The following DMBT1 variants were observed in gnomAD, a reference collection of about 807,000 sequenced individuals.
DMBT1 encodes scavenger receptor cysteine-rich domain-containing protein DMBT1.
Under a neutral mutation model 252.9 loss-of-function variants are expected in DMBT1, and 198 were observed. The observed-to-expected ratio is 0.78, with a 90% CI of 0.70 to 0.88. The LOEUF is 0.88. DMBT1 is among the 40% of genes least tolerant of loss of function. The pLI is 0.00. For missense variants in DMBT1, 2,432 were observed against 2,404.7 expected, an observed-to-expected ratio of 1.01 and a Z score of -0.24; for synonymous variants, 990 against 942.7, an observed-to-expected ratio of 1.05 and a Z score of -0.92.
chr10:122,634,941 C>G (rs1037529110), intron 52 of DMBT1, among the ~76,000 whole-genome samples: 1 of 152,194 alleles, frequency 6.6e-6, no homozygotes, highest in African/African-American at 2.4e-5. Context: ...ATAGTTTTCC[C>G]TGTTGATTTC....
At chr10:122,617,966 T>A (rs1351500740) in intron 40 of DMBT1, 51 bp from the exon 41 acceptor site, 2 of 1,606,454 alleles carry the variant, frequency 1.2e-6, no homozygotes, top group Non-Finnish European at 1.7e-6. Flanking sequence ...TTGCCTTAGA[T>A]TGTTGACCTC....
chr10:122,618,126 G>A lies in DMBT1; in HGVS notation c.5001G>A (p.Trp1667Ter). The A allele has an allele frequency of 6.2e-7, 1 of 1,613,922 alleles. No individual in the cohort carries two copies. Among genetic ancestry groups the A allele is most frequent in the Non-Finnish European group, 8.5e-7 (1 of 1,179,884 alleles). ...GGGGCACCGTGTGTGATGACTACTG[G>A]GACACCAATGATGCCAACGTGGTCT... is the stretch of plus-strand genomic sequence containing the variant. Reference protein sequence around the residue: ...GSWGTVCDDYWDTNDANVVCR... With the variant: ...GSWGTVCDDY Residue 1667 changes from tryptophan to a stop codon, truncating the protein, a stop_gained, in exon 41 of 56, where the codon TGG (tryptophan) becomes TGA (stop). Coordinates refer to ENST00000338354, the MANE Select transcript of DMBT1 (RefSeq NM_001377530.1). LOFTEE classifies it high-confidence loss of function.
In DMBT1 at chr10:122,600,245, C is replaced by T. The variant is rs188310537; in HGVS notation, c.3310+152C>T. On this transcript the variant is annotated intron_variant, in intron 27 of 55. Coordinates refer to ENST00000338354, the MANE Select transcript of DMBT1 (RefSeq NM_001377530.1). ...ACCAGTTGTGTAACTGAGACCCCAG[C>T]ACAGCGCTTTTTAAACACACACAGG... Among the ~76,000 whole-genome samples, 89 of 150,024 alleles carry T rather than the reference C, an allele frequency of 5.9e-4. 3 individuals are homozygous for T. The highest frequency in any genetic ancestry group is 9.9e-4 in the Non-Finnish European group (67 of 67,858).
At chr10:122,637,889 C>T (rs1332165968) in intron 54 of DMBT1, among the ~76,000 whole-genome samples, 1 of 152,162 alleles carries the variant, frequency 6.6e-6, no homozygotes, top group Non-Finnish European at 1.5e-5. Context: ...AGATGGCCCC[C>T]TGCATCCAAT....
chr10:122,631,188 T>G lies in DMBT1; in HGVS notation c.6253T>G (p.Ser2085Ala), dbSNP rs2098162212. The change falls in exon 49 of 56, where the codon TCA becomes GCA. Residue 2085 changes from serine to alanine, a missense_variant. By Grantham distance (99) the Ser-to-Ala change is moderately conservative (BLOSUM62 1). This residue lies in a region of DMBT1 where 1,162 missense variants were observed against 1,169.0 expected (regional missense o/e 0.99). Transcript: ENST00000338354. ...GPITLDDVECSGTESTLWQCR... is the reference protein window; with the variant it reads ...GPITLDDVECAGTESTLWQCR... ...CATCACCCTGGACGATGTAGAGTGC[T>G]CAGGGACGGAATCCACTCTCTGGCA... is the stretch of plus-strand genomic sequence containing the variant. 7.4e-6 allele frequency: 12 copies of G among 1,614,016 alleles called. No individual in the cohort carries two copies. Among genetic ancestry groups the G allele is most frequent in the Non-Finnish European group, 1.0e-5 (12 of 1,179,888 alleles).
At chr10:122,632,762 G>A in intron 50 of DMBT1, 99 bp from the exon 51 acceptor site, 1 of 1,504,102 alleles carries the variant, frequency 6.6e-7, no homozygotes, top group Non-Finnish European at 9.1e-7. Context: ...CCTCCCTGTG[G>A]ACTCAGGCTT....
At position 122,587,436 on chromosome 10, in the gene DMBT1, C is replaced by G. The variant is rs771066398; in HGVS notation, c.1783+1053C>G. ...GCACTGCAGTGTCTTGCCTGTGCACCGGTCAGGTGTGGGGCAGGCAGTGCC... is the reference window on the plus strand; with the variant it reads ...GCACTGCAGTGTCTTGCCTGTGCACGGGTCAGGTGTGGGGCAGGCAGTGCC... On this transcript the variant is annotated intron_variant, in intron 16 of 55. Coordinates refer to ENST00000338354, the MANE Select transcript of DMBT1 (RefSeq NM_001377530.1). 3.0e-4 allele frequency among the ~76,000 whole-genome samples: 45 copies of G among 148,848 alleles called. 2 individuals carry two copies. The highest frequency in any genetic ancestry group is 2.7e-4 in the Non-Finnish European group (18 of 66,852).
In DMBT1 at chr10:122,589,169, G is replaced by T. The variant is rs28493439; in HGVS notation, c.2009G>T (p.Arg670Leu). The T allele has an allele frequency of 7.8e-4, 1,237 of 1,588,408 alleles. 201 individuals carry two copies. The East Asian group carries it at 0.023, about 29-fold the overall frequency. The change falls in exon 17 of 56, where the codon CGC becomes CTC. Residue 670 changes from arginine to leucine, a missense_variant. Transcript: ENST00000338354. ...GGACCCATTGTCCTGGATGATGTGC[G>T]CTGCTCAGGACATGAGTCCTACCTG... ...GSGPIVLDDV[R>L]CSGHESYLWS...
rs111292675 is a variant in DMBT1 at position 122,567,934 on chromosome 10, G to A, written c.91+1938G>A. 8.2e-3 allele frequency among the ~76,000 whole-genome samples: 1,252 copies of A among 152,274 alleles called. 14 individuals are homozygous for A. Among genetic ancestry groups the A allele is most frequent in the African/African-American group, 0.029 (1,200 of 41,552 alleles). On this transcript the variant is annotated intron_variant, in intron 2 of 55. Transcript: ENST00000338354. Reference sequence around the variant, plus strand: ...TAAAGATAAAACTTGAAAACCACCTGGAGACCAGTGAATCCTCTTAGTATA... The same window carrying A: ...TAAAGATAAAACTTGAAAACCACCTAGAGACCAGTGAATCCTCTTAGTATA...
At position 122,586,027 on chromosome 10, in the gene DMBT1, G is replaced by T. The variant is rs770071936; in HGVS notation, c.1460-33G>T. 1.2e-5 allele frequency: 19 copies of T among 1,587,268 alleles called. 1 individual carries two copies. Among genetic ancestry groups the T allele is most frequent in the African/African-American group, 2.7e-5 (2 of 74,532 alleles). ...CCTTAGATTCTTGACCTCATGATAG[G>T]GATGGATGAAGGGTTCTTGTTTTCC... On this transcript the variant is annotated intron_variant, in intron 15 of 55. Transcript: ENST00000338354.
intron 46 of DMBT1, 55 bp from the exon 47 acceptor site, chr10:122,629,785 T>A: frequency 6.3e-7 from 1 of 1,582,664 alleles, no homozygotes; most frequent in Non-Finnish European, 8.6e-7. Context: ...TGATTCCTTG[T>A]CACAAAATAC....
At position 122,621,091 on chromosome 10, in the gene DMBT1, T is replaced by C; in HGVS notation, c.5319T>C (p.Asn1773=). The change falls in exon 44 of 56, where the codon AAT becomes AAC. Residue 1773 remains asparagine (N), a synonymous_variant. Transcript: ENST00000338354. ...SESSLALRLV[N]GGDRCRGRVE... ...CCAGTTTGGCTCTGAGGCTGGTGAA[T>C]GGAGGTGACAGGTGTCGAGGCCGAG... is the stretch of plus-strand genomic sequence containing the variant. The C allele has an allele frequency of 6.2e-7, 1 of 1,613,466 alleles. No homozygotes were observed.
chr10:122,575,426 C>T (rs2097703928), intron 6 of DMBT1, among the ~76,000 whole-genome samples: 1 of 152,170 alleles, frequency 6.6e-6, no homozygotes, highest in African/African-American at 2.4e-5. Context: ...AAGACAATAT[C>T]CAGATCAGGA....
Position 122,617,158 on chromosome 10 carries a change from G to T in DMBT1, c.4859-70G>T, listed in dbSNP as rs72836133. The T allele has an allele frequency of 1.5e-3, 2,202 of 1,517,886 alleles. 13 individuals are homozygous for T. The highest frequency in any genetic ancestry group is 1.7e-3 in the Admixed American group (104 of 59,556). The allele number at this position is 1,517,886 out of a possible 1,614,324, so 94.0% of individuals were successfully genotyped here. A position where few individuals can be genotyped will look rare whatever the true frequency, so the allele number is the denominator to read the frequency against. On this transcript the variant is annotated intron_variant, in intron 39 of 55. Transcript: ENST00000338354. Reference sequence around the variant, plus strand: ...GTTGCCAGGTTGATTCCCCCTCCCAGAGAACCTTTTGTTCTGTGCCTTTTC... The same window carrying T: ...GTTGCCAGGTTGATTCCCCCTCCCATAGAACCTTTTGTTCTGTGCCTTTTC...
At chr10:122,572,490 G>T in intron 5 of DMBT1, 129 bp downstream of exon 5, 1 of 1,299,292 alleles carries the variant, frequency 7.7e-7, no homozygotes, top group South Asian at 1.2e-5. Flanking sequence ...AGGTAGTGTG[G>T]ATATCACCTT....
chr10:122,631,626 A>G (rs950739247), intron 49 of DMBT1, among the ~76,000 whole-genome samples: 1 of 152,122 alleles, frequency 6.6e-6, no homozygotes, highest in African/African-American at 2.4e-5. Flanking sequence ...GGAGAGAGTG[A>G]TGGGTGTTAT....
intron 52 of DMBT1, 59 bp from the exon 53 acceptor site, chr10:122,635,932 A>AC (rs1370042689): frequency 6.3e-7 from 1 of 1,582,210 alleles, no homozygotes; most frequent in East Asian, 2.2e-5. Flanking sequence ...CTGAGATCTG[A>AC]CCCCCTGCGT....
intron 6 of DMBT1, among the ~76,000 whole-genome samples, chr10:122,574,444 T>G (rs189628695): frequency 6.4e-4 from 98 of 152,314 alleles, no homozygotes; most frequent in Admixed American, 6.3e-3. Flanking sequence ...AGGGTTGGCA[T>G]GCAGTTGGGA....
Position 122,599,057 on chromosome 10 carries a change from C to T in DMBT1, c.3240C>T (p.His1080=), listed in dbSNP as rs370651746. The T allele has an allele frequency of 6.5e-5, 105 of 1,613,792 alleles. No homozygotes were observed. Among genetic ancestry groups the T allele is most frequent in the East Asian group, 3.3e-4 (15 of 44,868 alleles). Residue 1080 remains histidine, a synonymous_variant, in exon 26 of 56, where the codon CAC becomes CAT. Transcript: ENST00000338354. ...GCCCCCACAATGGCTGGCTCTCCCA[C>T]AACTGTGGCCATAGTGAAGACGCTG... ...WSCPHNGWLS[H]NCGHSEDAGV...
Sources: allele counts gnomAD v4.1 joint callset (sites outside exome capture counted in the v4.1 genomes callset), GRCh38; gene constraint gnomAD v4.1.1; regional missense constraint gnomAD v4.1.1; transcripts MANE v1.5; gene names NCBI Gene and HGNC (gene_info 2026-07-23, HGNC 2026-07-21).